GPC4: variants seen among roughly 807,000 people sequenced by gnomAD.
GPC4 encodes the protein glypican 4.
A neutral mutation model predicts 35.0 loss-of-function variants in GPC4; 10 were observed. That is an observed-to-expected ratio of 0.29 (90% CI 0.18 to 0.48). GPC4 has a LOEUF of 0.48. GPC4 is among the 20% of genes least tolerant of loss of function. The pLI is 0.99. For missense variants in GPC4, 322 were observed against 451.3 expected (o/e 0.71, Z 2.60); for synonymous variants, 167 against 170.2 (o/e 0.98, Z 0.15).
rs1489477700 is a variant in GPC4, at chrX:133,311,289, C to A, written c.846G>T (p.Gly282=). ...NIMRGCLANQ[G]DLDFEWNNFI... ...AATTGTTCCATTCAAAATCGAGATC[C>A]CCTTGGTTGGCCAAACAGCCTCTCA... The change falls in exon 4 of 9, where the codon GGG becomes GGT. Residue 282 remains glycine (G), a synonymous_variant. Transcript: ENST00000370828. The A allele has an allele frequency of 8.3e-7, 1 of 1,211,520 alleles. No homozygotes were observed. The highest frequency in any genetic ancestry group is 3.0e-5 in the East Asian group (1 of 33,857).
At chrX:133,335,165 T>A (rs1206066544) in intron 2 of GPC4, among the ~76,000 whole-genome samples, 1 of 111,103 alleles carries the variant, frequency 9.0e-6, no homozygotes, top group East Asian at 2.8e-4. Flanking sequence ...GATGACTGAT[T>A]CAGCTAAGTT....
Position 133,324,265 on chromosome X carries a change from C to T in GPC4, c.591G>A (p.Leu197=). The part of the protein sequence containing the change: ...LECVSKYTEQ[L]KPFGDVPRKL... ...TGCGAGGGACATCTCCGAAGGGCTT[C>T]AGCTGCTCCGTATACTTGCTCACAC... The change falls in exon 3 of 9, where the codon CTG becomes CTA. Residue 197 remains leucine (L), a synonymous_variant. Transcript: ENST00000370828. 1 of 1,211,656 alleles carries T rather than the reference C, an allele frequency of 8.3e-7. No individual in the cohort carries two copies. The highest frequency in any genetic ancestry group is 1.1e-6 in the Non-Finnish European group (1 of 895,544).
chrX:133,340,329 C>T (rs188588140), intron 1 of GPC4, among the ~76,000 whole-genome samples: 3 of 111,324 alleles, frequency 2.7e-5, no homozygotes, highest in African/African-American at 9.8e-5. Flanking sequence ...AAATAAACCC[C>T]ACTAGCTACT....
At chrX:133,356,765 C>T (rs1416502712) in intron 1 of GPC4, among the ~76,000 whole-genome samples, 1 of 111,637 alleles carries the variant, frequency 9.0e-6, no homozygotes, top group African/African-American at 3.3e-5. Context: ...CTCAGGTATT[C>T]CTTCATAGCA....
intron 1 of GPC4, among the ~76,000 whole-genome samples, chrX:133,345,062 G>A (rs1233681411): frequency 8.9e-6 from 1 of 111,964 alleles, no homozygotes; most frequent in East Asian, 2.8e-4. Flanking sequence ...CTTTACAAGG[G>A]GTTTTTTTAA....
chrX:133,340,470 G>A (rs995576652), intron 1 of GPC4, among the ~76,000 whole-genome samples: 21 of 112,073 alleles, frequency 1.9e-4, no homozygotes, highest in Non-Finnish European at 3.6e-4. Flanking sequence ...TGAAAAGAGA[G>A]ATGATCTGAG....
intron 1 of GPC4, among the ~76,000 whole-genome samples, chrX:133,381,318 GGAA>G (rs1437101023): frequency 2.7e-5 from 3 of 112,485 alleles, no homozygotes; most frequent in African/African-American, 9.7e-5. Flanking sequence ...GATATATTAA[GGAA>G]GAAGTTGAGC....
intron 1 of GPC4, among the ~76,000 whole-genome samples, chrX:133,355,640 G>C (rs1185581949): frequency 1.8e-5 from 2 of 111,772 alleles, no homozygotes; most frequent in Admixed American, 9.5e-5. Context: ...AGAACAAGAA[G>C]GGTCAATGAA....
intron 1 of GPC4, among the ~76,000 whole-genome samples, chrX:133,401,391 C>A (rs2068767511): frequency 9.0e-6 from 1 of 111,406 alleles, no homozygotes; most frequent in Non-Finnish European, 1.9e-5. Context: ...ATAATCCAGG[C>A]AAGAGGTAAT....
intron 1 of GPC4, among the ~76,000 whole-genome samples, chrX:133,366,821 G>C (rs1346146754): frequency 8.9e-6 from 1 of 111,852 alleles, no homozygotes; most frequent in Non-Finnish European, 1.9e-5. Flanking sequence ...ATGGAAAATT[G>C]AAAGTACCTC....
rs148181632 is a variant in GPC4, at chrX:133,369,865, T to C, written c.161-30524A>G. Among the ~76,000 whole-genome samples the C allele has an allele frequency of 2.8e-3, 307 of 111,386 alleles. 2 individuals carry two copies. Among genetic ancestry groups the C allele is most frequent in the Non-Finnish European group, 5.1e-3 (269 of 53,051 alleles). On this transcript the variant is annotated intron_variant, in intron 1 of 8. Coordinates refer to ENST00000370828, the MANE Select transcript of GPC4 (RefSeq NM_001448.3). Reference sequence around the variant, plus strand: ...ATACCAGCTGTGACTAATATTACTATTAACAACCCACCATTCAAGAGGCAG... The same window carrying C: ...ATACCAGCTGTGACTAATATTACTACTAACAACCCACCATTCAAGAGGCAG...
In GPC4 at chrX:133,306,930, G is replaced by T. The variant is rs2076544; in HGVS notation, c.878-776C>A. Among the ~76,000 whole-genome samples the T allele has an allele frequency of 8.9e-5, 10 of 111,850 alleles. No homozygotes were observed. In the East Asian group the frequency reaches 2.8e-3, roughly 31 times the overall value. On this transcript the variant is annotated intron_variant, in intron 4 of 8. Transcript: ENST00000370828. ...AGCATGGCATTTTCCAGTAAGCACT[G>T]AATCGCTTCAATAAAATACATTGTC...
At chrX:133,375,729 T>A (rs951509151) in intron 1 of GPC4, among the ~76,000 whole-genome samples, 1 of 111,948 alleles carries the variant, frequency 8.9e-6, no homozygotes, top group East Asian at 2.8e-4. Context: ...TTTTTAAGAA[T>A]GACAAATGCT....
intron 1 of GPC4, among the ~76,000 whole-genome samples, chrX:133,396,782 C>T (rs1295939146): frequency 2.7e-5 from 3 of 111,513 alleles, no homozygotes; most frequent in Non-Finnish European, 3.8e-5. Context: ...ACAAAGTGAC[C>T]GCAGGAAGTA....
chrX:133,391,378 G>A (rs559283328), intron 1 of GPC4, among the ~76,000 whole-genome samples: 1 of 111,825 alleles, frequency 8.9e-6, no homozygotes, highest in Non-Finnish European at 1.9e-5. Flanking sequence ...CTTACTGATC[G>A]CTTCCTTTCC....
intron 1 of GPC4, among the ~76,000 whole-genome samples, chrX:133,378,865 T>C (rs953634393): frequency 9.0e-6 from 1 of 111,650 alleles, no homozygotes; most frequent in African/African-American, 3.3e-5. Context: ...TGCAGCATGC[T>C]TCTGTTGTTG....
chrX:133,360,651 C>T (rs1462947970), intron 1 of GPC4, among the ~76,000 whole-genome samples: 1 of 112,038 alleles, frequency 8.9e-6, no homozygotes, highest in Non-Finnish European at 1.9e-5. Flanking sequence ...ACTCCAGTTG[C>T]ACATTTAACC....
Position 133,415,219 on chromosome X carries a change from C to T in GPC4, c.-254G>A, listed in dbSNP as rs1372227560. ...AGGAGGGCGTGGAGGCGGCGCGCGGCCCAGGGAAGCAGAGGCGCGGGCTGG... is the reference window on the plus strand; with the variant it reads ...AGGAGGGCGTGGAGGCGGCGCGCGGTCCAGGGAAGCAGAGGCGCGGGCTGG... On this transcript the variant is annotated 5_prime_UTR_variant, in exon 1 of 9. Transcript: ENST00000370828. The T allele has an allele frequency of 2.9e-6, 1 of 343,195 alleles. No individual in the cohort carries two copies. Among genetic ancestry groups the T allele is most frequent in the Non-Finnish European group, 5.0e-6 (1 of 199,615 alleles). The allele number at this position is 343,195 out of a possible 1,213,427, so 28.3% of individuals were successfully genotyped here. A position where few individuals can be genotyped will look rare whatever the true frequency, so the allele number is the denominator to read the frequency against.
At chrX:133,363,619 G>T (rs1355378552) in intron 1 of GPC4, among the ~76,000 whole-genome samples, 2 of 111,160 alleles carry the variant, frequency 1.8e-5, no homozygotes, top group East Asian at 5.6e-4. Flanking sequence ...ATAATGTCCT[G>T]CTGGGCATGT....
Sources: gnomAD v4.1 joint callset for allele counts (sites outside exome capture counted in the v4.1 genomes callset) on GRCh38, gnomAD v4.1.1 for gene constraint, MANE v1.5 for transcripts, NCBI Gene and HGNC (gene_info 2026-07-23, HGNC 2026-07-21) for gene names.